The following GLB1 variants were observed in gnomAD, a reference collection of about 807,000 sequenced individuals.
GLB1 encodes the protein beta-galactosidase.
GLB1 carries 56 observed loss-of-function variants against 74.0 expected under a neutral mutation model. The ratio of observed to expected loss-of-function variants is 0.76; its 90% CI spans 0.61 to 0.94. The LOEUF is 0.94. GLB1 is among the 40% of genes least tolerant of loss of function. The pLI, the probability that GLB1 is intolerant of heterozygous loss-of-function variation, is 0.00. For missense variants in GLB1, 787 were observed against 845.5 expected (o/e 0.93, Z 0.86); for synonymous variants, 323 against 323.6 (o/e 1.00, Z 0.02).
intron 9 of GLB1, 143 bp downstream of exon 9, chr3:33,051,615 A>AAAAAAAAAAAAAAAAAAAAAAAG (rs764769471): frequency 8.7e-7 from 1 of 1,149,440 alleles, no homozygotes; most frequent in African/African-American, 1.7e-5. Context: ...AAAAAAAAAA[A>AAAAAAAAAAAAAAAAAAAAAAAG]AAAAGAAAAA....
chr3:33,022,704 C>T (rs1697548993), intron 11 of GLB1, among the ~76,000 whole-genome samples: 1 of 151,476 alleles, frequency 6.6e-6, no homozygotes, highest in Non-Finnish European at 1.5e-5. Context: ...CCTGAGCAGG[C>T]ATGTGTCACC....
chr3:33,039,539 A>T lies in GLB1; in HGVS notation c.1068+6581T>A, dbSNP rs1371837962. Among the ~76,000 whole-genome samples the T allele has an allele frequency of 5.9e-5, 9 of 152,184 alleles. No homozygotes were observed. The East Asian group carries it at 1.5e-3, about 26-fold the overall frequency. On this transcript the variant is annotated intron_variant, in intron 10 of 15. Coordinates refer to ENST00000307363, the MANE Select transcript of GLB1 (RefSeq NM_000404.4). Reference sequence around the variant, plus strand: ...CAGACAGTTGAAAAGAGGATTAATAAACTAGAAGATAGGTCAGAATAAAAT... The same window carrying T: ...CAGACAGTTGAAAAGAGGATTAATATACTAGAAGATAGGTCAGAATAAAAT...
chr3:33,072,786 C>T, intron 1 of GLB1, 73 bp from the exon 2 acceptor site: 1 of 1,598,240 alleles, frequency 6.3e-7, no homozygotes, highest in Non-Finnish European at 8.5e-7. Flanking sequence ...TTGAGAGTAG[C>T]AAGTGACTCT....
At chr3:33,037,066 G>A (rs1285507709) in intron 10 of GLB1, among the ~76,000 whole-genome samples, 1 of 144,352 alleles carries the variant, frequency 6.9e-6, no homozygotes, top group Non-Finnish European at 1.5e-5. Context: ...TTTTTTTTGA[G>A]ACAGAGTCTT....
At chr3:32,990,231 T>A in the GLB1 span, among the ~76,000 whole-genome samples, 2 of 152,186 alleles carry the variant, frequency 1.3e-5, no homozygotes, top group African/African-American at 4.8e-5. Flanking sequence ...CTCATGCCTA[T>A]CTTTTCTCCT....
chr3:33,026,825 C>T (rs58440211), intron 10 of GLB1, among the ~76,000 whole-genome samples: 82,034 of 151,810 alleles, frequency 0.54, 22,969 homozygotes, highest in East Asian at 0.68. Context: ...TGAACACTCG[C>T]TGGGACACCC....
chr3:33,011,045 T>C (rs1221366930), intron 15 of GLB1, among the ~76,000 whole-genome samples: 2 of 152,084 alleles, frequency 1.3e-5, no homozygotes, highest in Admixed American at 6.6e-5. Flanking sequence ...TTAGTAGAAA[T>C]GGGGTTCTGC....
chr3:33,046,200 T>C lies in GLB1; in HGVS notation c.988A>G (p.Ser330Gly). The stretch of plus-strand genomic sequence containing the variant: ...CTCAGTGGGGCATCATAGTCGTAGC[T>C]GGTGGGCTGTGCTGCATAGGGTGAG... ...ANSPYAAQPT[S>G]YDYDAPLSEA... is the part of the protein sequence containing the mutation. The change falls in exon 10 of 16, where the codon AGC becomes GGC. Residue 330 changes from serine to glycine, a missense_variant. By Grantham distance (56) the Ser-to-Gly change is moderately conservative. Coordinates refer to ENST00000307363, the MANE Select transcript of GLB1 (RefSeq NM_000404.4). 1 of 1,614,096 alleles carries C rather than the reference T, an allele frequency of 6.2e-7. No homozygotes were observed. The highest frequency in any genetic ancestry group is 8.5e-7 in the Non-Finnish European group (1 of 1,180,012).
At chr3:32,972,632 C>T in the GLB1 span, among the ~76,000 whole-genome samples, 3 of 152,166 alleles carry the variant, frequency 2.0e-5, no homozygotes, top group Non-Finnish European at 2.9e-5. Flanking sequence ...CAGTTGATGA[C>T]ATTAACCAGA....
chr3:33,061,491 A>G (rs960801021), intron 5 of GLB1, among the ~76,000 whole-genome samples: 2 of 152,142 alleles, frequency 1.3e-5, no homozygotes, highest in African/African-American at 4.8e-5. Context: ...CAACTACTCA[A>G]CTCTGCCACT....
intron 12 of GLB1, 34 bp from the exon 13 acceptor site, chr3:33,018,595 C>T (rs1346564879): frequency 6.2e-7 from 1 of 1,607,444 alleles, no homozygotes. Context: ...AAATACATCA[C>T]TATTGCCATT....
intron 15 of GLB1, among the ~76,000 whole-genome samples, chr3:32,998,118 T>C (rs1337787965): frequency 6.6e-6 from 1 of 152,242 alleles, no homozygotes; most frequent in Non-Finnish European, 1.5e-5. Context: ...TAGGGGAAGC[T>C]GCTTCCCATA....
chr3:33,019,139 C>CTAATAATAA (rs55687583), intron 12 of GLB1, among the ~76,000 whole-genome samples: 5 of 151,462 alleles, frequency 3.3e-5, no homozygotes, highest in East Asian at 1.9e-4. Context: ...GACCTCATCT[C>CTAATAATAA]TAATAATAAT....
intron 1 of GLB1, chr3:33,092,507 C>T (rs557819483): frequency 9.1e-7 from 1 of 1,093,032 alleles, no homozygotes; most frequent in South Asian, 3.9e-5. Context: ...TTCTAGCAAC[C>T]CCGAGGGGAG....
intron 12 of GLB1, among the ~76,000 whole-genome samples, chr3:33,021,048 G>T (rs761179833): frequency 2.1e-5 from 3 of 140,854 alleles, no homozygotes; most frequent in African/African-American, 2.7e-5. Flanking sequence ...AAAAAATAAA[G>T]ATGAGGCAGT....
chr3:33,070,548 T>C (rs1309610898), intron 2 of GLB1, among the ~76,000 whole-genome samples: 6 of 152,172 alleles, frequency 3.9e-5, no homozygotes, highest in Non-Finnish European at 8.8e-5. Context: ...TAATTCCTAT[T>C]ACATAAAAAT....
intron 6 of GLB1, among the ~76,000 whole-genome samples, chr3:33,056,045 T>C (rs1372633148): frequency 6.6e-6 from 1 of 151,186 alleles, no homozygotes; most frequent in Non-Finnish European, 1.5e-5. Context: ...CGGGCCAACA[T>C]GGTGAAACCC....
At chr3:33,055,668 C>T (rs1699185558) in intron 6 of GLB1, among the ~76,000 whole-genome samples, 1 of 151,220 alleles carries the variant, frequency 6.6e-6, no homozygotes, top group Non-Finnish European at 1.5e-5. Flanking sequence ...GGGGTTTCAC[C>T]ATGTTGGCCA....
chr3:33,056,828 C>T (rs1358323369), intron 6 of GLB1, among the ~76,000 whole-genome samples: 2 of 152,126 alleles, frequency 1.3e-5, no homozygotes, highest in African/African-American at 4.8e-5. Flanking sequence ...TAAATAAACA[C>T]AATATACTTC....
Sources: allele counts gnomAD v4.1 joint callset (sites outside exome capture counted in the v4.1 genomes callset), GRCh38; gene constraint gnomAD v4.1.1; transcripts MANE v1.5; gene names NCBI Gene and HGNC (gene_info 2026-07-23, HGNC 2026-07-21).